The following KIF26B variants were observed in gnomAD, a reference collection of about 807,000 sequenced individuals.
The protein encoded by KIF26B is kinesin-like protein KIF26B.
KIF26B carries 63 observed loss-of-function variants against 151.2 expected under a neutral mutation model. That is an observed-to-expected ratio of 0.42 (90% CI 0.34 to 0.51). KIF26B has a LOEUF of 0.51. Ranked by LOEUF, KIF26B falls within the 20% of genes least tolerant of loss-of-function variation. The pLI, the probability that KIF26B is intolerant of heterozygous loss-of-function variation, is 0.07. For synonymous variants in KIF26B, 1,357 were observed against 1,262.1 expected, an observed-to-expected ratio of 1.08 and a Z score of -1.59; for missense variants, 2,813 against 2,913.6, an observed-to-expected ratio of 0.97 and a Z score of 0.79.
chr1:245,231,044 C>T lies in KIF26B; in HGVS notation c.465+74361C>T, dbSNP rs993971444. ...TTACAAGATGTCCATTCAGATTCTA[C>T]TGAAAAAAATTATAAGGGATATTGA... On this transcript the variant is annotated intron_variant, in intron 2 of 14. Coordinates refer to ENST00000407071, the MANE Select transcript of KIF26B (RefSeq NM_018012.4). Among the ~76,000 whole-genome samples the T allele has an allele frequency of 3.3e-5, 5 of 151,580 alleles. No homozygotes were observed. In the East Asian group the frequency reaches 7.7e-4, roughly 23 times the overall value.
intron 9 of KIF26B, 58 bp downstream of exon 9, chr1:245,612,034 C>T: frequency 2.0e-6 from 3 of 1,495,056 alleles, no homozygotes; most frequent in Non-Finnish European, 2.8e-6. Context: ...AGCCAGAAAT[C>T]CCTTGGGCAA....
chr1:245,274,103 A>G (rs1477855682), intron 2 of KIF26B, among the ~76,000 whole-genome samples: 2 of 152,224 alleles, frequency 1.3e-5, no homozygotes, highest in Non-Finnish European at 2.9e-5. Context: ...CTAAGCTGAC[A>G]ACAACTTCAG....
chr1:245,576,054 A>G (rs897472761), intron 5 of KIF26B, among the ~76,000 whole-genome samples: 20 of 152,310 alleles, frequency 1.3e-4, no homozygotes, highest in African/African-American at 4.8e-4. Context: ...TCTAAGCATC[A>G]GGCTCTTCAG....
At chr1:245,683,782 T>A (rs547578154) in intron 10 of KIF26B, among the ~76,000 whole-genome samples, 61 of 152,330 alleles carry the variant, frequency 4.0e-4, no homozygotes, top group African/African-American at 1.4e-3. Context: ...CCCACCGATC[T>A]TTAATCCAGG....
intron 4 of KIF26B, among the ~76,000 whole-genome samples, chr1:245,497,174 G>T (rs1334397694): frequency 6.7e-6 from 1 of 149,236 alleles, no homozygotes. Flanking sequence ...AAAAAGATAA[G>T]TATCTTTAAT....
chr1:245,450,506 C>G (rs1021116306), intron 4 of KIF26B, among the ~76,000 whole-genome samples: 2 of 152,208 alleles, frequency 1.3e-5, no homozygotes, highest in Non-Finnish European at 1.5e-5. Flanking sequence ...AGGGTACTGT[C>G]CAGCCAGCCT....
Position 245,520,400 on chromosome 1 carries a change from T to C in KIF26B, c.1167-20367T>C, listed in dbSNP as rs998164111. ...GGAACAATTATTACAATGAACACAATAATTGTATTTGTTTTATGAACATGA... is the reference window on the plus strand; with the variant it reads ...GGAACAATTATTACAATGAACACAACAATTGTATTTGTTTTATGAACATGA... On this transcript the variant is annotated intron_variant, in intron 4 of 14. Transcript: ENST00000407071. Among the ~76,000 whole-genome samples the C allele has an allele frequency of 5.4e-4, 83 of 152,316 alleles. 1 individual carries two copies. The Middle Eastern group carries it at 0.01, about 19-fold the overall frequency.
chr1:245,673,987 T>C (rs1227778961), intron 10 of KIF26B: 2 of 152,258 alleles, frequency 1.3e-5, no homozygotes, highest in Admixed American at 6.5e-5. Context: ...CCCTTCTCTC[T>C]CACCCAGCAG....
intron 5 of KIF26B, among the ~76,000 whole-genome samples, chr1:245,568,079 G>A (rs1263646318): frequency 7.0e-6 from 1 of 143,666 alleles, no homozygotes; most frequent in Non-Finnish European, 1.5e-5. Flanking sequence ...TGAGGCAGGA[G>A]AATTGCTTGA....
At chr1:245,582,608 A>G (rs935121777) in intron 5 of KIF26B, among the ~76,000 whole-genome samples, 1 of 152,182 alleles carries the variant, frequency 6.6e-6, no homozygotes, top group Non-Finnish European at 1.5e-5. Flanking sequence ...TTTATATGCA[A>G]TAGGCTGGGC....
chr1:245,274,366 C>A (rs537976327), intron 2 of KIF26B, among the ~76,000 whole-genome samples: 2 of 152,094 alleles, frequency 1.3e-5, no homozygotes, highest in Admixed American at 1.3e-4. Context: ...TAATGCTATC[C>A]CTCCCCTAGC....
chr1:245,529,408 C>T (rs1213509863), intron 4 of KIF26B, among the ~76,000 whole-genome samples: 2 of 152,140 alleles, frequency 1.3e-5, no homozygotes, highest in Non-Finnish European at 2.9e-5. Context: ...GAGGGTGCTT[C>T]CCTTTGAACT....
chr1:245,318,612 C>G lies in KIF26B; in HGVS notation c.466-48222C>G, dbSNP rs1671824571. On this transcript the variant is annotated intron_variant, in intron 2 of 14. Transcript: ENST00000407071. The surrounding 1 kb of genome is among the most constrained non-coding windows in gnomAD (Gnocchi z 4.0). Reference sequence around the variant, plus strand: ...CCAAGCAGGGACTTTGCTGCGACTCCCTAAGTTCATAGGGAAAGCAGCAAG... The same window carrying G: ...CCAAGCAGGGACTTTGCTGCGACTCGCTAAGTTCATAGGGAAAGCAGCAAG... 2.6e-5 allele frequency among the ~76,000 whole-genome samples: 4 copies of G among 152,218 alleles called. No homozygotes were observed. In the South Asian group the frequency reaches 8.3e-4, roughly 32 times the overall value.
intron 3 of KIF26B, among the ~76,000 whole-genome samples, chr1:245,381,068 C>T (rs577967934): frequency 1.3e-5 from 2 of 151,798 alleles, no homozygotes; most frequent in East Asian, 1.9e-4. Context: ...TAAAGTATTT[C>T]GATGTCCTAA....
At chr1:245,444,208 A>ACC (rs1659195962) in intron 4 of KIF26B, among the ~76,000 whole-genome samples, 1 of 108,724 alleles carries the variant, frequency 9.2e-6, no homozygotes, top group African/African-American at 4.4e-5. Flanking sequence ...CACCTAGAGG[A>ACC]GAGGTCATCT....
chr1:245,311,731 G>A (rs751779136), intron 2 of KIF26B, among the ~76,000 whole-genome samples: 5 of 152,092 alleles, frequency 3.3e-5, no homozygotes, highest in Non-Finnish European at 5.9e-5. Flanking sequence ...TCAGGAGTTC[G>A]AGACCAGCCT....
intron 2 of KIF26B, among the ~76,000 whole-genome samples, chr1:245,269,489 G>A (rs1670810330): frequency 6.6e-6 from 1 of 151,736 alleles, no homozygotes; most frequent in African/African-American, 2.4e-5. Context: ...TTTTGAGACG[G>A]AGGTTAGCTC....
At chr1:245,348,318 T>C (rs1401229678) in intron 2 of KIF26B, among the ~76,000 whole-genome samples, 5 of 152,152 alleles carry the variant, frequency 3.3e-5, no homozygotes, top group Admixed American at 6.5e-5. Context: ...ATTTGCAAAA[T>C]TGTATCCCTA....
intron 10 of KIF26B, among the ~76,000 whole-genome samples, chr1:245,677,933 G>A (rs1247403551): frequency 6.6e-6 from 1 of 152,240 alleles, no homozygotes; most frequent in Non-Finnish European, 1.5e-5. Context: ...TTTCCCTTGA[G>A]AACAGCCTTT....
Sources: gnomAD v4.1 joint callset for allele counts (sites outside exome capture counted in the v4.1 genomes callset) on GRCh38, gnomAD v4.1.1 for gene constraint, Gnocchi (gnomAD v3.1) non-coding constraint, MANE v1.5 for transcripts, NCBI Gene and HGNC (gene_info 2026-07-23, HGNC 2026-07-21) for gene names.